Variants in TMEM17 observed in about 807,000 individuals in gnomAD.
TMEM17 encodes transmembrane protein 17.
A neutral mutation model predicts 19.1 loss-of-function variants in TMEM17; 15 were observed. The observed-to-expected ratio is 0.78, with a 90% CI of 0.52 to 1.21. TMEM17 has a LOEUF of 1.21. Ranked by LOEUF, TMEM17 falls within the 50% of genes most tolerant of loss-of-function variation. The pLI is 0.00. For missense variants in TMEM17, 245 were observed against 242.3 expected (o/e 1.01, Z -0.07); for synonymous variants, 103 against 86.9 (o/e 1.19, Z -1.03).
At chr2:62,473,803 C>T in the TMEM17 span, among the ~76,000 whole-genome samples, 1 of 152,196 alleles carries the variant, frequency 6.6e-6, no homozygotes, top group Non-Finnish European at 1.5e-5. Context: ...CAAGGGATCA[C>T]AGAGGGATGC....
the TMEM17 span, among the ~76,000 whole-genome samples, chr2:62,466,861 G>A: frequency 6.6e-6 from 1 of 152,122 alleles, no homozygotes; most frequent in Non-Finnish European, 1.5e-5. Flanking sequence ...CTGCATGCGG[G>A]GCCATGGAGA....
the TMEM17 span, among the ~76,000 whole-genome samples, chr2:62,490,210 A>G: frequency 6.6e-6 from 1 of 152,104 alleles, no homozygotes; most frequent in African/African-American, 2.4e-5. Flanking sequence ...GTTCCTTATT[A>G]TTTCTGTAGG....
chr2:62,489,590 T>C, the TMEM17 span, among the ~76,000 whole-genome samples: 5 of 152,320 alleles, frequency 3.3e-5, no homozygotes, highest in African/African-American at 1.2e-4. Context: ...GGAAGAAATA[T>C]TTGGTTCATT....
the TMEM17 span, among the ~76,000 whole-genome samples, chr2:62,475,071 G>A: frequency 6.6e-6 from 1 of 152,172 alleles, no homozygotes. Flanking sequence ...CTTTCCATGT[G>A]CAAGCAGCAG....
the TMEM17 span, among the ~76,000 whole-genome samples, chr2:62,457,964 G>C: frequency 6.6e-6 from 1 of 152,100 alleles, no homozygotes; most frequent in Admixed American, 6.5e-5. The surrounding 1 kb of genome is among the most constrained non-coding windows in gnomAD (Gnocchi z 4.2). Context: ...CCCAGATCTG[G>C]GGTCAGAAAA....
the TMEM17 span, among the ~76,000 whole-genome samples, chr2:62,455,184 G>T: frequency 1.3e-5 from 2 of 152,124 alleles, no homozygotes; most frequent in Admixed American, 1.3e-4. Context: ...TGTCTCTATG[G>T]ATTTGCCTCT....
the TMEM17 span, among the ~76,000 whole-genome samples, chr2:62,460,574 C>T: frequency 1.9e-3 from 286 of 152,270 alleles, 1 homozygote; most frequent in African/African-American, 6.4e-3. Flanking sequence ...GAATAGCAGA[C>T]CATATTTGTA....
At chr2:62,470,501 G>A in the TMEM17 span, among the ~76,000 whole-genome samples, 1 of 152,236 alleles carries the variant, frequency 6.6e-6, no homozygotes, top group African/African-American at 2.4e-5. Context: ...TTTCAGGTGA[G>A]TGCAGTGTCG....
the TMEM17 span, among the ~76,000 whole-genome samples, chr2:62,455,044 A>T: frequency 6.6e-6 from 1 of 152,166 alleles, no homozygotes; most frequent in Non-Finnish European, 1.5e-5. Flanking sequence ...GCATATCATA[A>T]AATTCATTTT....
At chr2:62,497,498 T>C (rs1343162885), downstream of TMEM17, among the ~76,000 whole-genome samples, 2 of 152,120 alleles carry the variant, frequency 1.3e-5, no homozygotes, top group African/African-American at 4.8e-5. Flanking sequence ...ACAGTCACTA[T>C]TTTTTGTTCT....
intron 1 of TMEM17, among the ~76,000 whole-genome samples, chr2:62,503,165 AAAAT>A (rs1218503165): frequency 3.3e-5 from 5 of 152,238 alleles, no homozygotes; most frequent in Middle Eastern, 3.2e-3. Flanking sequence ...ATTAATGCAT[AAAAT>A]AAATAAAAAT....
downstream of TMEM17, among the ~76,000 whole-genome samples, chr2:62,496,421 G>A (rs1192781227): frequency 6.6e-6 from 1 of 152,184 alleles, no homozygotes; most frequent in African/African-American, 2.4e-5. Context: ...CTAATGATAG[G>A]AGAGAAGTTA....
At chr2:62,486,280 A>G in the TMEM17 span, among the ~76,000 whole-genome samples, 3 of 148,184 alleles carry the variant, frequency 2.0e-5, no homozygotes, top group African/African-American at 7.3e-5. Context: ...GGGCCTGAAG[A>G]TGTGGACAAA....
chr2:62,500,189 C>G (rs1679882863), downstream of TMEM17: 1 of 152,132 alleles, frequency 6.6e-6, no homozygotes, highest in South Asian at 2.1e-4. Flanking sequence ...AAATCTATAG[C>G]CCAAAATAAT....
chr2:62,505,845 G>C (rs1680054434), intron 1 of TMEM17, among the ~76,000 whole-genome samples, 185 bp downstream of exon 1: 1 of 152,236 alleles, frequency 6.6e-6, no homozygotes, highest in Admixed American at 6.5e-5. Flanking sequence ...GGCCGGGGGC[G>C]GGAGGCCGCC....
the TMEM17 span, among the ~76,000 whole-genome samples, chr2:62,482,220 A>C: frequency 9.3e-3 from 1,414 of 152,372 alleles, 8 homozygotes; most frequent in Non-Finnish European, 0.013. Context: ...GAATTCTGTG[A>C]AATGTAGTTC....
At position 62,502,798 on chromosome 2, in the gene TMEM17, C is replaced by T; in HGVS notation, c.101-4G>A. 1 of 1,561,654 alleles carries T rather than the reference C, an allele frequency of 6.4e-7. No homozygotes were observed. The highest frequency in any genetic ancestry group is 2.3e-5 in the East Asian group (1 of 44,410). On this transcript the variant is annotated splice_polypyrimidine_tract_variant and splice_region_variant and intron_variant, in intron 1 of 3. Transcript: ENST00000335390. ...AAACTGGAGACCATTTCATTTTCTACAGAAGGAACAGAAAAGGAACAAATG... is the reference window on the plus strand; with the variant it reads ...AAACTGGAGACCATTTCATTTTCTATAGAAGGAACAGAAAAGGAACAAATG...
At chr2:62,487,754 G>A in the TMEM17 span, among the ~76,000 whole-genome samples, 1 of 152,228 alleles carries the variant, frequency 6.6e-6, no homozygotes. Context: ...GAGTGCAGTG[G>A]TGCGATCTCG....
chr2:62,473,598 C>T, the TMEM17 span, among the ~76,000 whole-genome samples: 1 of 152,170 alleles, frequency 6.6e-6, no homozygotes, highest in Admixed American at 6.5e-5. Flanking sequence ...AGGATTGCAG[C>T]TTCCCCAGGC....
Sources: gnomAD v4.1 joint callset for allele counts (sites outside exome capture counted in the v4.1 genomes callset) on GRCh38, gnomAD v4.1.1 for gene constraint, Gnocchi (gnomAD v3.1) non-coding constraint, MANE v1.5 for transcripts, NCBI Gene and HGNC (gene_info 2026-07-23, HGNC 2026-07-21) for gene names.